Variants in KEL observed in about 807,000 individuals in gnomAD.
KEL encodes the protein kell blood group glycoprotein.
In KEL, 96 loss-of-function variants were observed where a neutral mutation model predicts 99.5. The observed-to-expected ratio is 0.97, with a 90% CI of 0.82 to 1.14. The LOEUF (loss-of-function observed/expected upper bound fraction) is 1.14, where lower values mean the gene tolerates loss of function less well. Ranked by LOEUF, KEL falls within the 50% of genes most tolerant of loss-of-function variation. The pLI is 0.00. For missense variants in KEL, 926 were observed against 924.2 expected, an observed-to-expected ratio of 1.00 and a Z score of -0.03; for synonymous variants, 355 against 354.8, an observed-to-expected ratio of 1.00 and a Z score of -0.01.
chr7:142,942,239 T>C lies in KEL; in HGVS notation c.2037+195A>G, dbSNP rs28686902. The C allele has an allele frequency of 1.5e-3, 884 of 601,998 alleles. 10 individuals are homozygous for C. The highest frequency in any genetic ancestry group is 0.015 in the African/African-American group (794 of 54,082). 37.3% of individuals were successfully genotyped at this position (601,998 alleles called of 1,614,324 possible). A position where few individuals can be genotyped will look rare whatever the true frequency, so the allele number is the denominator to read the frequency against. The stretch of plus-strand genomic sequence containing the variant: ...TGAGTTGTGGGGGTGCTGAACTAGG[T>C]AGAAGAACCTGTAGTCATCTGAGGG... On this transcript the variant is annotated intron_variant, in intron 18 of 18. Coordinates refer to ENST00000355265, the MANE Select transcript of KEL (RefSeq NM_000420.3).
In KEL at chr7:142,952,391, T is replaced by A. The variant is rs534384264; in HGVS notation, c.1203+118A>T. The A allele has an allele frequency of 3.0e-6, 4 of 1,323,448 alleles. No individual in the cohort carries two copies. In the South Asian group the frequency reaches 4.7e-5, roughly 16 times the overall value. The allele number at this position is 1,323,448 out of a possible 1,614,324, so 82.0% of individuals were successfully genotyped here. A position where few individuals can be genotyped will look rare whatever the true frequency, so the allele number is the denominator to read the frequency against. On this transcript the variant is annotated intron_variant, in intron 10 of 18. Coordinates refer to ENST00000355265, the MANE Select transcript of KEL (RefSeq NM_000420.3). Reference sequence around the variant, plus strand: ...CCTGCTTCTATGGAAAGCCAAGACATGGAGGGGCATCTACCATCACGGCCC... The same window carrying A: ...CCTGCTTCTATGGAAAGCCAAGACAAGGAGGGGCATCTACCATCACGGCCC...
chr7:142,961,200 G>A (rs1796948472), intron 3 of KEL, 96 bp from the exon 4 acceptor site: 27 of 1,516,948 alleles, frequency 1.8e-5, no homozygotes, highest in Non-Finnish European at 2.5e-5. Context: ...TAACTAAGTG[G>A]GGAGCTGATG....
chr7:142,958,642 T>C (rs1353290593), intron 4 of KEL, among the ~76,000 whole-genome samples: 1 of 152,216 alleles, frequency 6.6e-6, no homozygotes, highest in Non-Finnish European at 1.5e-5. Context: ...CCCCAAAACA[T>C]GTTTCTTTGC....
At chr7:142,952,362 C>A in intron 10 of KEL, 147 bp downstream of exon 10, 1 of 1,030,206 alleles carries the variant, frequency 9.7e-7, no homozygotes, top group Non-Finnish European at 1.5e-6. Context: ...GTCTGTCCAA[C>A]TTGCCTGCTT....
chr7:142,943,453 A>G (rs1281308893), intron 15 of KEL, 33 bp downstream of exon 15: 2 of 1,607,582 alleles, frequency 1.2e-6, no homozygotes. Context: ...CTCTTGGGAA[A>G]CTCCCTACCT....
At chr7:142,959,352 G>T (rs898720529) in intron 4 of KEL, among the ~76,000 whole-genome samples, 1 of 152,024 alleles carries the variant, frequency 6.6e-6, no homozygotes, top group African/African-American at 2.4e-5. Context: ...ATTTGGAATG[G>T]ATCAACTTGA....
At chr7:142,961,204 G>A in intron 3 of KEL, 100 bp from the exon 4 acceptor site, 2 of 1,517,164 alleles carry the variant, frequency 1.3e-6, no homozygotes, top group South Asian at 1.1e-5. Flanking sequence ...TAAGTGGGGA[G>A]CTGATGAAAA....
intron 9 of KEL, chr7:142,953,523 G>T: frequency 2.2e-6 from 1 of 464,202 alleles, no homozygotes; most frequent in Non-Finnish European, 2.8e-6. Flanking sequence ...TTGACTGGCT[G>T]GTGTTCTACT....
At chr7:142,959,074 C>A (rs1796896664) in intron 4 of KEL, among the ~76,000 whole-genome samples, 1 of 152,232 alleles carries the variant, frequency 6.6e-6, no homozygotes, top group Non-Finnish European at 1.5e-5. Context: ...TGTGCCCCAG[C>A]CACCTTGGGC....
At position 142,961,101 on chromosome 7, in the gene KEL, G is replaced by A. The variant is rs1238940473; in HGVS notation, c.227C>T (p.Pro76Leu). Residue 76 changes from proline (P) to leucine (L), a missense_variant, in exon 4 of 19, where the codon CCC (proline) becomes CTC (leucine). Transcript: ENST00000355265. Reference sequence around the variant, plus strand: ...ATCCAAACACACAGATGTCTCACAGGGGCCTGTGGGGAAAAGCTCAGAGCT... The same window carrying A: ...ATCCAAACACACAGATGTCTCACAGAGGCCTGTGGGGAAAAGCTCAGAGCT... ...FYNFQNCGPR[P>L]CETSVCLDLR... 2 of 1,613,544 alleles carry A rather than the reference G, an allele frequency of 1.2e-6. No individual in the cohort carries two copies. Among genetic ancestry groups the A allele is most frequent in the Admixed American group, 1.7e-5 (1 of 60,034 alleles).
At chr7:142,948,299 GA>G (rs943236265) in intron 10 of KEL, among the ~76,000 whole-genome samples, 4 of 150,878 alleles carry the variant, frequency 2.7e-5, no homozygotes, top group Admixed American at 6.6e-5. Context: ...TAGAATTCGA[GA>G]AAAAAAAGTC....
rs1298318917 is a variant in KEL at position 142,952,551 on chromosome 7, C to T, written c.1161G>A (p.Lys387=). 4.3e-6 allele frequency: 7 copies of T among 1,614,120 alleles called. No homozygotes were observed. Among genetic ancestry groups the T allele is most frequent in the East Asian group, 4.5e-5 (2 of 44,872 alleles). Reference sequence around the variant, plus strand: ...TCAGTTCCCGCAGTTTCTGGCTGAGCTTTCTGCGTGCCTCCTGGAATTGAC... The same window carrying T: ...TCAGTTCCCGCAGTTTCTGGCTGAGTTTTCTGCGTGCCTCCTGGAATTGAC... ...LDSQFQEARR[K]LSQKLRELTE... The change falls in exon 10 of 19, where the codon AAG becomes AAA. Residue 387 remains lysine (K), a synonymous_variant. Transcript: ENST00000355265.
Position 142,960,961 on chromosome 7 carries a change from TG to T in KEL, c.366del (p.Thr123GlnfsTer66). 1 of 1,614,182 alleles carries T rather than the reference TG, an allele frequency of 6.2e-7. No homozygotes were observed. The highest frequency in any genetic ancestry group is 8.5e-7 in the Non-Finnish European group (1 of 1,180,042). The stretch of plus-strand genomic sequence containing the variant: ...CTCCGAAGTCGGTTTTTGTTCTTTG[TG>T]GCAAGCTCCTGAAAAGAATTATTGG... ...KETNNSFQELATKNKNRLRRI... is the reference protein window; with the variant it reads ...KETNNSFQELXTKNKNRLRRI... On this transcript the variant is annotated frameshift_variant, in exon 4 of 19. Coordinates refer to ENST00000355265, the MANE Select transcript of KEL (RefSeq NM_000420.3). LOFTEE classifies it high-confidence loss of function.
chr7:142,952,812 G>A (rs1051220739), intron 9 of KEL, among the ~76,000 whole-genome samples, 174 bp from the exon 10 acceptor site: 1 of 152,196 alleles, frequency 6.6e-6, no homozygotes, highest in Non-Finnish European at 1.5e-5. Flanking sequence ...GATGTAGGTT[G>A]GGGTGGGATC....
intron 10 of KEL, among the ~76,000 whole-genome samples, 186 bp downstream of exon 10, chr7:142,952,323 G>A (rs746640014): frequency 1.3e-5 from 2 of 152,174 alleles, no homozygotes; most frequent in South Asian, 2.1e-4. Flanking sequence ...GGTCTGGCAC[G>A]TGGCATCTTG....
chr7:142,942,280 A>T, intron 18 of KEL, 154 bp downstream of exon 18: 1 of 653,632 alleles, frequency 1.5e-6, no homozygotes, highest in Non-Finnish European at 2.8e-6. Flanking sequence ...TCCAAGGGGT[A>T]GGGAGGGAAG....
At chr7:142,959,988 A>G (rs1184560811) in intron 4 of KEL, among the ~76,000 whole-genome samples, 7 of 152,108 alleles carry the variant, frequency 4.6e-5, no homozygotes, top group Non-Finnish European at 1.0e-4. Flanking sequence ...TGTCTATCTT[A>G]TATGTTCTTA....
intron 10 of KEL, among the ~76,000 whole-genome samples, chr7:142,947,398 C>T (rs1330179324): frequency 6.6e-6 from 1 of 152,064 alleles, no homozygotes; most frequent in African/African-American, 2.4e-5. Context: ...CATCCCACTA[C>T]AGGAAACAGA....
chr7:142,941,332 T>C lies in KEL; in HGVS notation c.2119A>G (p.Ser707Gly). 1 of 1,613,872 alleles carries C rather than the reference T, an allele frequency of 6.2e-7. No individual in the cohort carries two copies. The highest frequency in any genetic ancestry group is 8.5e-7 in the Non-Finnish European group (1 of 1,179,848). Residue 707 changes from serine to glycine, a missense_variant, in exon 19 of 19, where the codon AGC (serine) becomes GGC (glycine). Physicochemically the swap from Ser to Gly is moderately conservative, Grantham distance 56 (BLOSUM62 0). Transcript: ENST00000355265. The stretch of plus-strand genomic sequence containing the variant: ...AAATACCTGGCAAAGGCTGGGGTGC[T>C]GCTGAGGGGCCCGTGGACTCGGAGG... ...PHLRVHGPLSSTPAFARYFRC... is the reference protein window; with the variant it reads ...PHLRVHGPLSGTPAFARYFRC...
Sources: allele counts gnomAD v4.1 joint callset (sites outside exome capture counted in the v4.1 genomes callset), GRCh38; gene constraint gnomAD v4.1.1; transcripts MANE v1.5; gene names NCBI Gene and HGNC (gene_info 2026-07-23, HGNC 2026-07-21).